Variants in C19orf47 observed in about 807,000 individuals in gnomAD.
The protein encoded by C19orf47 is uncharacterized protein C19orf47.
C19orf47 carries 18 observed loss-of-function variants against 32.3 expected under a neutral mutation model. That is an observed-to-expected ratio of 0.56 (90% CI 0.39 to 0.83). The LOEUF is 0.83. C19orf47 is among the 40% of genes least tolerant of loss of function. The pLI is 0.00. For synonymous variants in C19orf47, 202 were observed against 211.1 expected, an observed-to-expected ratio of 0.96 and a Z score of 0.37; for missense variants, 484 against 531.6, an observed-to-expected ratio of 0.91 and a Z score of 0.88.
intron 1 of C19orf47, among the ~76,000 whole-genome samples, chr19:40,344,862 G>A (rs2078242497): frequency 6.6e-6 from 1 of 152,166 alleles, no homozygotes. Context: ...CCCTCGGAAA[G>A]TTACAGATGA....
At chr19:40,306,405 C>CT in the C19orf47 span, among the ~76,000 whole-genome samples, 158 of 145,408 alleles carry the variant, frequency 1.1e-3, no homozygotes, top group South Asian at 4.2e-3. Context: ...ACTCTTGTTA[C>CT]TTTTTTTTTT....
the C19orf47 span, among the ~76,000 whole-genome samples, chr19:40,297,828 C>T: frequency 6.8e-6 from 1 of 146,586 alleles, no homozygotes; most frequent in East Asian, 2.0e-4. Context: ...GAGCTGAGAT[C>T]GTGCCACTGC....
At chr19:40,335,124 A>G (rs1208027305) in intron 4 of C19orf47, among the ~76,000 whole-genome samples, 3 of 152,038 alleles carry the variant, frequency 2.0e-5, no homozygotes, top group African/African-American at 7.3e-5. Context: ...GTTAGCTATT[A>G]TATTAATCAC....
chr19:40,340,572 G>T (rs10421266), intron 2 of C19orf47, among the ~76,000 whole-genome samples: 143,552 of 151,470 alleles, frequency 0.95, 68,088 homozygotes, highest in Admixed American at 0.97. Context: ...TCCCAGCTAC[G>T]TGGGAAGCTG....
At chr19:40,341,918 T>A (rs2078185459) in intron 1 of C19orf47, 28 bp from the exon 2 acceptor site, 6 of 1,533,274 alleles carry the variant, frequency 3.9e-6, no homozygotes, top group Non-Finnish European at 5.2e-6. Flanking sequence ...AGAGAGCCCA[T>A]GAGCTGCTGC....
intron 4 of C19orf47, 126 bp from the exon 5 acceptor site, chr19:40,334,055 C>A: frequency 1.6e-6 from 1 of 624,000 alleles, no homozygotes; most frequent in Non-Finnish European, 2.6e-6. Flanking sequence ...TCACTCCTAA[C>A]CATAAGAAAG....
At chr19:40,337,484 G>T (rs1004634122) in intron 2 of C19orf47, among the ~76,000 whole-genome samples, 1 of 151,674 alleles carries the variant, frequency 6.6e-6, no homozygotes, top group African/African-American at 2.4e-5. Flanking sequence ...TCACTGATTC[G>T]AAGTAGAACT....
chr19:40,316,072 G>A (rs994118673), downstream of C19orf47, among the ~76,000 whole-genome samples: 2 of 152,192 alleles, frequency 1.3e-5, no homozygotes, highest in African/African-American at 4.8e-5. Flanking sequence ...TCTGCTGCAG[G>A]ACCCCGACAG....
At chr19:40,329,379 G>T (rs1568612312) in intron 5 of C19orf47, among the ~76,000 whole-genome samples, 1 of 152,008 alleles carries the variant, frequency 6.6e-6, no homozygotes, top group Non-Finnish European at 1.5e-5. Context: ...GGTGGCATGT[G>T]CCTGTAGTCC....
the C19orf47 span, among the ~76,000 whole-genome samples, chr19:40,310,711 T>C: frequency 6.6e-6 from 1 of 152,176 alleles, no homozygotes; most frequent in African/African-American, 2.4e-5. Flanking sequence ...AAGCAAAGTG[T>C]AAAACTATTA....
rs544555731 is a variant in C19orf47 at position 40,335,064 on chromosome 19, G to A, written c.222+1046C>T. On this transcript the variant is annotated intron_variant, in intron 4 of 8. Transcript: ENST00000683109. ...AGGGAGGGAGGGAGGGAGGGAGGAA[G>A]GGAGGGAGGGAGACAGTGCCTGGCA... is the stretch of plus-strand genomic sequence containing the variant. Among the ~76,000 whole-genome samples the A allele has an allele frequency of 3.4e-5, 5 of 148,824 alleles. No homozygotes were observed. The East Asian group carries it at 1.0e-3, about 30-fold the overall frequency.
At chr19:40,341,760 C>G (rs2078182332) in intron 2 of C19orf47, 79 bp downstream of exon 2, 1 of 1,525,324 alleles carries the variant, frequency 6.6e-7, no homozygotes. Context: ...CCTCCCCCAT[C>G]CCATCATCCC....
rs534687478 is a variant in C19orf47, at chr19:40,330,233, TTTC to T, written c.302-1686_302-1684del. On this transcript the variant is annotated intron_variant, in intron 5 of 8. Coordinates refer to ENST00000683109, the MANE Select transcript of C19orf47 (RefSeq NM_001256441.2). ...TTTCATTTACTTTCCCTTTCTTTTTTTTCTTTTTTTTTTGAGACAGAGTCTCGC... is the reference window on the plus strand; with the variant it reads ...TTTCATTTACTTTCCCTTTCTTTTTTTTTTTTTTTTGAGACAGAGTCTCGC... Among the ~76,000 whole-genome samples, 828 of 152,098 alleles carry T rather than the reference TTTC, an allele frequency of 5.4e-3. 5 individuals carry two copies. The highest frequency in any genetic ancestry group is 9.7e-3 in the Non-Finnish European group (656 of 67,932).
At position 40,322,247 on chromosome 19, in the gene C19orf47, G is replaced by T; in HGVS notation, c.793C>A (p.Pro265Thr). The change falls in exon 9 of 9, where the codon CCA becomes ACA. Residue 265 changes from proline (P) to threonine (T), a missense_variant. Transcript: ENST00000683109. ...AGVLKKLGRG[P>T]AKASPQPALT... The stretch of plus-strand genomic sequence containing the variant: ...GCTGGCTGGGGACTGGCCTTGGCTG[G>T]GCCCCGTCCTAGCTTCTTCAGGACC... 1.2e-6 allele frequency: 2 copies of T among 1,608,972 alleles called. No homozygotes were observed.
Position 40,336,400 on chromosome 19 carries a change from G to C in C19orf47, c.27C>G (p.Ser9=). ...CTTCCTTAAAGAACTGGATCCACTC[G>C]GAAGTGGCTGTGGGGTTGGACAGGG... MVSVTMAT[S]EWIQFFKEAG... Residue 9 remains serine, a synonymous_variant, in exon 3 of 9, where the codon TCC becomes TCG. Coordinates refer to ENST00000683109, the MANE Select transcript of C19orf47 (RefSeq NM_001256441.2). 1 of 1,613,110 alleles carries C rather than the reference G, an allele frequency of 6.2e-7. No homozygotes were observed. Among genetic ancestry groups the C allele is most frequent in the South Asian group, 1.1e-5 (1 of 90,936 alleles).
chr19:40,348,408 G>C, upstream of C19orf47: 1 of 1,487,946 alleles, frequency 6.7e-7, no homozygotes, highest in Non-Finnish European at 8.9e-7. Context: ...CCCCGGCCCG[G>C]GCTGCCCGCC....
At chr19:40,318,581 CAAAG>C (rs1219664905), downstream of C19orf47, among the ~76,000 whole-genome samples, 7 of 152,242 alleles carry the variant, frequency 4.6e-5, no homozygotes, top group African/African-American at 1.7e-4. Flanking sequence ...TATTAGGAAA[CAAAG>C]AAGGCTGAAG....
At chr19:40,339,738 G>A (rs564415913) in intron 2 of C19orf47, among the ~76,000 whole-genome samples, 21 of 152,156 alleles carry the variant, frequency 1.4e-4, no homozygotes, top group South Asian at 1.0e-3. Flanking sequence ...TTGGGAGGCC[G>A]AGATGGACGG....
the C19orf47 span, among the ~76,000 whole-genome samples, chr19:40,307,064 C>T: frequency 6.8e-6 from 1 of 146,034 alleles, no homozygotes; most frequent in Non-Finnish European, 1.5e-5. Flanking sequence ...GTTGGGATTA[C>T]AGGCGTGAGC....
Sources: allele counts gnomAD v4.1 joint callset (sites outside exome capture counted in the v4.1 genomes callset), GRCh38; gene constraint gnomAD v4.1.1; transcripts MANE v1.5; gene names NCBI Gene and HGNC (gene_info 2026-07-23, HGNC 2026-07-21).